The following ZBTB48 variants were observed in gnomAD, a reference collection of about 807,000 sequenced individuals.
ZBTB48 encodes zinc finger and BTB domain-containing protein 48.
ZBTB48 carries 35 observed loss-of-function variants against 64.5 expected under a neutral mutation model. The observed-to-expected ratio is 0.54, with a 90% CI of 0.41 to 0.72. The LOEUF (loss-of-function observed/expected upper bound fraction) is 0.72. Among genes scored for constraint, ZBTB48 ranks in the 30% least tolerant of loss-of-function variants. The pLI is 0.00. For missense variants in ZBTB48, 828 were observed against 895.3 expected, an observed-to-expected ratio of 0.92 and a Z score of 0.96; for synonymous variants, 442 against 356.7, an observed-to-expected ratio of 1.24 and a Z score of -2.70.
chr1:6,584,039 C>G lies in ZBTB48; in HGVS notation c.932+1740C>G, dbSNP rs778923873. On this transcript the variant is annotated intron_variant, in intron 3 of 10. Coordinates refer to ENST00000377674, the MANE Select transcript of ZBTB48 (RefSeq NM_005341.4). The surrounding 1 kb of genome is among the most constrained non-coding windows in gnomAD (Gnocchi z 4.5). The stretch of plus-strand genomic sequence containing the variant: ...CCTTGTGATCCACCTGCCTCAGCCT[C>G]CCAAAGTGCTGGGATTACAGGCGTG... 1.1e-4 allele frequency among the ~76,000 whole-genome samples: 16 copies of G among 152,234 alleles called. No homozygotes were observed. The East Asian group carries it at 2.1e-3, about 20-fold the overall frequency.
chr1:6,584,222 C>G lies in ZBTB48; in HGVS notation c.933-1697C>G, dbSNP rs1236839768. ...AGCCACCGTGCCCAGCCCCCAGGGA[C>G]TATTTTAACTTAAAATTTAAAATTA... On this transcript the variant is annotated intron_variant, in intron 3 of 10. Coordinates refer to ENST00000377674, the MANE Select transcript of ZBTB48 (RefSeq NM_005341.4). This position sits in a 1 kb window ranked among gnomAD's most constrained non-coding sequence, Gnocchi z 4.5. 6.6e-6 allele frequency among the ~76,000 whole-genome samples: 1 copy of G among 152,246 alleles called. No homozygotes were observed. Among genetic ancestry groups the G allele is most frequent in the African/African-American group, 2.4e-5 (1 of 41,464 alleles).
chr1:6,585,695 G>T (rs1640633750), intron 3 of ZBTB48: 1 of 567,320 alleles, frequency 1.8e-6, no homozygotes, highest in Non-Finnish European at 3.2e-6. Context: ...GTGCTGGCCA[G>T]ATCCATGGCA....
chr1:6,586,208 G>A, intron 4 of ZBTB48, 178 bp downstream of exon 4: 1 of 668,776 alleles, frequency 1.5e-6, no homozygotes, highest in Middle Eastern at 4.1e-4. Context: ...CACAGGTCCT[G>A]AGGGCGGAAG....
In ZBTB48 at chr1:6,587,970, T is replaced by C. The variant is rs893450397; in HGVS notation, c.1380-90T>C. On this transcript the variant is annotated intron_variant, in intron 7 of 10. Transcript: ENST00000377674. Reference sequence around the variant, plus strand: ...CCCTTTCCTAGCACTGCCCAAGCCCTCTTTCCACCAGGCATGCTCCTAGCT... The same window carrying C: ...CCCTTTCCTAGCACTGCCCAAGCCCCCTTTCCACCAGGCATGCTCCTAGCT... The C allele has an allele frequency of 1.0e-5, 16 of 1,549,066 alleles. No homozygotes were observed. In the African/African-American group the frequency reaches 1.2e-4, roughly 12 times the overall value.
intron 3 of ZBTB48, among the ~76,000 whole-genome samples, chr1:6,585,073 G>T (rs1640609464): frequency 2.6e-5 from 4 of 152,174 alleles, no homozygotes; most frequent in Admixed American, 2.6e-4. Flanking sequence ...AGCAGAGGCG[G>T]GCCAAGGGGT....
In ZBTB48 at chr1:6,588,175, G is replaced by A. The variant is rs1177487572; in HGVS notation, c.1495G>A (p.Gly499Ser). The A allele has an allele frequency of 6.2e-7, 1 of 1,613,970 alleles. No homozygotes were observed. Among genetic ancestry groups the A allele is most frequent in the African/African-American group, 1.3e-5 (1 of 74,936 alleles). The change falls in exon 8 of 11, where the codon GGC (glycine) becomes AGC (serine). Residue 499 changes from glycine (G) to serine (S), a missense_variant. Physicochemically the swap from Gly to Ser is moderately conservative, Grantham distance 56. Transcript: ENST00000377674. ...GAAGCCCTTCCAGTGCCACCTCTGT[G>A]GCAAGACCTTCCGAACCCAAGGTGA... ...GEKPFQCHLC[G>S]KTFRTQASLD... is the part of the protein sequence containing the mutation.
chr1:6,584,785 A>G lies in ZBTB48; in HGVS notation c.933-1134A>G, dbSNP rs1640600245. Among the ~76,000 whole-genome samples, 2 of 152,104 alleles carry G rather than the reference A, an allele frequency of 1.3e-5. No homozygotes were observed. The highest frequency in any genetic ancestry group is 2.9e-5 in the Non-Finnish European group (2 of 68,032). ...GAAGTCATTTTGATGGGGGATGAAG[A>G]TAGTTGCTGTAGAGGAAGAGGATGA... is the stretch of plus-strand genomic sequence containing the variant. On this transcript the variant is annotated intron_variant, in intron 3 of 10. Coordinates refer to ENST00000377674, the MANE Select transcript of ZBTB48 (RefSeq NM_005341.4). The surrounding 1 kb of genome is among the most constrained non-coding windows in gnomAD (Gnocchi z 4.5).
Position 6,588,178 on chromosome 1 carries a change from A to G in ZBTB48, c.1498A>G (p.Lys500Glu). 1 of 1,614,108 alleles carries G rather than the reference A, an allele frequency of 6.2e-7. No individual in the cohort carries two copies. The highest frequency in any genetic ancestry group is 8.5e-7 in the Non-Finnish European group (1 of 1,180,036). ...EKPFQCHLCG[K>E]TFRTQASLDK... ...GCCCTTCCAGTGCCACCTCTGTGGC[A>G]AGACCTTCCGAACCCAAGGTGAGGT... Residue 500 changes from lysine to glutamate, a missense_variant, in exon 8 of 11, where the codon AAG becomes GAG. Coordinates refer to ENST00000377674, the MANE Select transcript of ZBTB48 (RefSeq NM_005341.4).
chr1:6,585,637 T>C (rs1360484065), intron 3 of ZBTB48: 1 of 420,846 alleles, frequency 2.4e-6, no homozygotes, highest in East Asian at 4.2e-5. Flanking sequence ...AAGATCTGTT[T>C]CTGCCTTCAG....
chr1:6,580,837 G>A lies in ZBTB48; in HGVS notation c.228G>A (p.Leu76=). Residue 76 remains leucine (L), a synonymous_variant, in exon 2 of 11, where the codon TTG becomes TTA. Transcript: ENST00000377674. The surrounding 1 kb of genome is among the most constrained non-coding windows in gnomAD (Gnocchi z 5.2). ...PAGFAEIFGL[L]LDFFYTGHLA... The stretch of plus-strand genomic sequence containing the variant: ...GCTTCGCTGAGATCTTTGGCCTCTT[G>A]TTGGACTTTTTCTACACTGGTCACC... 6.2e-7 allele frequency: 1 copy of A among 1,614,212 alleles called. No homozygotes were observed. Among genetic ancestry groups the A allele is most frequent in the Non-Finnish European group, 8.5e-7 (1 of 1,180,046 alleles).
intron 3 of ZBTB48, among the ~76,000 whole-genome samples, chr1:6,582,658 T>C (rs1331314595): frequency 7.9e-5 from 12 of 152,210 alleles, no homozygotes; most frequent in Admixed American, 7.2e-4. Flanking sequence ...AGCCTGGCAG[T>C]GTGGGCTTGA....
In ZBTB48 at chr1:6,582,644, CTGAAGCCTGGCAGTGTGGGCT is replaced by C. The variant is rs1006432759; in HGVS notation, c.932+368_932+388del. On this transcript the variant is annotated intron_variant, in intron 3 of 10. Transcript: ENST00000377674. The stretch of plus-strand genomic sequence containing the variant: ...AGCTGGGGCCCAACCTTAGGTGTTT[CTGAAGCCTGGCAGTGTGGGCT>C]TGAAGCCTGGCAGTGTGGGCTTTGG... 1.5e-4 allele frequency among the ~76,000 whole-genome samples: 23 copies of C among 152,314 alleles called. No homozygotes were observed. In the South Asian group the frequency reaches 2.3e-3, roughly 15 times the overall value.
Position 6,581,152 on chromosome 1 carries a change from T to C in ZBTB48, c.543T>C (p.Ala181=), listed in dbSNP as rs1365495314. 1 of 1,613,400 alleles carries C rather than the reference T, an allele frequency of 6.2e-7. No homozygotes were observed. Among genetic ancestry groups the C allele is most frequent in the Non-Finnish European group, 8.5e-7 (1 of 1,180,000 alleles). The change falls in exon 2 of 11, where the codon GCT becomes GCC. Residue 181 remains alanine, a synonymous_variant. Coordinates refer to ENST00000377674, the MANE Select transcript of ZBTB48 (RefSeq NM_005341.4). ...SPQRPQLHSP[A]QSEGPSSLCG... Reference sequence around the variant, plus strand: ...AGAGGCCCCAGCTCCATTCCCCAGCTCAGAGTGAGGGCCCCTCCTCCCTCT... The same window carrying C: ...AGAGGCCCCAGCTCCATTCCCCAGCCCAGAGTGAGGGCCCCTCCTCCCTCT...
chr1:6,584,595 A>G lies in ZBTB48; in HGVS notation c.933-1324A>G, dbSNP rs367617490. On this transcript the variant is annotated intron_variant, in intron 3 of 10. Transcript: ENST00000377674. The surrounding 1 kb of genome is among the most constrained non-coding windows in gnomAD (Gnocchi z 4.5). The stretch of plus-strand genomic sequence containing the variant: ...TGTTCAGGGCAGCTGCTGCCAGTGG[A>G]ATGCTGGGATAACCCCAGTGTCGGG... Among the ~76,000 whole-genome samples the G allele has an allele frequency of 2.0e-4, 31 of 152,312 alleles. No homozygotes were observed. In the East Asian group the frequency reaches 5.2e-3, roughly 26 times the overall value.
chr1:6,582,671 C>T (rs1170627999), intron 3 of ZBTB48, among the ~76,000 whole-genome samples: 2 of 152,330 alleles, frequency 1.3e-5, no homozygotes, highest in African/African-American at 4.8e-5. Context: ...GGGCTTGAAG[C>T]CTGGCAGTGT....
At position 6,588,088 on chromosome 1, in the gene ZBTB48, T is replaced by C; in HGVS notation, c.1408T>C (p.Cys470Arg). The change falls in exon 8 of 11, where the codon TGC (cysteine) becomes CGC (arginine). Residue 470 changes from cysteine to arginine, a missense_variant. By Grantham distance (180) the Cys-to-Arg change is radical. Transcript: ENST00000377674. ...RNERPHVCEF[C>R]SHAFTQKANL... ...TGAGAGGCCACACGTATGTGAGTTC[T>C]GCAGCCACGCCTTCACCCAAAAGGC... is the stretch of plus-strand genomic sequence containing the variant. 6.2e-7 allele frequency: 1 copy of C among 1,614,174 alleles called. No homozygotes were observed. Among genetic ancestry groups the C allele is most frequent in the Non-Finnish European group, 8.5e-7 (1 of 1,180,040 alleles).
At chr1:6,586,961 G>T in intron 5 of ZBTB48, 174 bp downstream of exon 5, 1 of 896,732 alleles carries the variant, frequency 1.1e-6, no homozygotes, top group Non-Finnish European at 1.8e-6. Context: ...GCTACTGTCT[G>T]CAGCCTCACC....
intron 3 of ZBTB48, chr1:6,585,408 G>T (rs139048705): frequency 4.7e-4 from 75 of 160,672 alleles, no homozygotes; most frequent in African/African-American, 1.7e-3. Context: ...GGATACGTGA[G>T]CCAAGAGGTA....
Position 6,586,030 on chromosome 1 carries a change from G to A in ZBTB48, c.1044G>A (p.Gln348=). The A allele has an allele frequency of 6.2e-7, 1 of 1,614,082 alleles. No homozygotes were observed. The highest frequency in any genetic ancestry group is 8.5e-7 in the Non-Finnish European group (1 of 1,179,940). The change falls in exon 4 of 11, where the codon CAG becomes CAA. Residue 348 remains glutamine, a splice_region_variant and synonymous_variant. Transcript: ENST00000377674. ...EARNCMNRSE[Q]VFTCSVCQET... ...GGAATTGCATGAACCGCTCGGAACA[G>A]GTACTTGGGAGCTGGCCCAGGTACT... is the stretch of plus-strand genomic sequence containing the variant.
Sources: allele counts gnomAD v4.1 joint callset (sites outside exome capture counted in the v4.1 genomes callset), GRCh38; gene constraint gnomAD v4.1.1; non-coding constraint Gnocchi (gnomAD v3.1); transcripts MANE v1.5; gene names NCBI Gene and HGNC (gene_info 2026-07-23, HGNC 2026-07-21).